The following APBA1 variants were observed in gnomAD, a reference collection of about 807,000 sequenced individuals.
The protein encoded by APBA1 is amyloid-beta A4 precursor protein-binding family A member 1.
A neutral mutation model predicts 86.6 loss-of-function variants in APBA1; 55 were observed. That is an observed-to-expected ratio of 0.64 (90% confidence interval 0.51 to 0.80). APBA1 has a LOEUF of 0.80. Among genes scored for constraint, APBA1 ranks in the 30% least tolerant of loss-of-function variants. The pLI, the probability that APBA1 is intolerant of heterozygous loss-of-function variation, is 0.00. For synonymous variants in APBA1, 511 were observed against 493.9 expected (o/e 1.03, Z -0.46); for missense variants, 1,090 against 1,183.0 (o/e 0.92, Z 1.15).
intron 11 of APBA1, among the ~76,000 whole-genome samples, chr9:69,434,811 ATACTT>A (rs971681857): frequency 4.6e-5 from 7 of 152,026 alleles, no homozygotes; most frequent in Non-Finnish European, 1.0e-4. Flanking sequence ...TATTATTAGT[ATACTT>A]TAAGTTTTAG....
At chr9:69,434,189 G>A (rs922948516) in intron 11 of APBA1, among the ~76,000 whole-genome samples, 1 of 152,176 alleles carries the variant, frequency 6.6e-6, no homozygotes, top group Non-Finnish European at 1.5e-5. Flanking sequence ...CTGCTCTGCG[G>A]GACTCTGTGC....
chr9:69,554,461 G>A (rs1836831868), intron 1 of APBA1, among the ~76,000 whole-genome samples: 1 of 152,110 alleles, frequency 6.6e-6, no homozygotes. Flanking sequence ...TTAGATATAG[G>A]TACAACTAAC....
chr9:69,531,004 T>C (rs1255573075), intron 1 of APBA1, among the ~76,000 whole-genome samples: 3 of 152,154 alleles, frequency 2.0e-5, no homozygotes, highest in Admixed American at 6.5e-5. Context: ...CACATTAAAA[T>C]TTTTTTAAAA....
intron 1 of APBA1, among the ~76,000 whole-genome samples, chr9:69,592,552 G>A (rs546956873): frequency 2.0e-5 from 3 of 152,272 alleles, no homozygotes; most frequent in Middle Eastern, 3.4e-3. Flanking sequence ...CTATGATCAC[G>A]CCACTACATT....
chr9:69,501,466 C>A (rs1430123034), intron 2 of APBA1, among the ~76,000 whole-genome samples: 1 of 151,926 alleles, frequency 6.6e-6, no homozygotes. Flanking sequence ...TCTCCCAGCA[C>A]CTTCCCTTCT....
intron 1 of APBA1, among the ~76,000 whole-genome samples, chr9:69,618,366 C>T (rs569605622): frequency 7.9e-5 from 12 of 152,198 alleles, no homozygotes; most frequent in Non-Finnish European, 1.3e-4. Context: ...AGTGTGTTTG[C>T]GCGATGCACA....
chr9:69,517,383 T>A, intron 1 of APBA1, 104 bp from the exon 2 acceptor site: 2 of 1,160,898 alleles, frequency 1.7e-6, no homozygotes, highest in Non-Finnish European at 2.2e-6. Context: ...TCCTTTTAGT[T>A]CTGGGTCAAT....
intron 1 of APBA1, among the ~76,000 whole-genome samples, chr9:69,658,247 T>TC (rs1357544021): frequency 4.7e-5 from 1 of 21,364 alleles, no homozygotes; most frequent in African/African-American, 6.7e-5. Flanking sequence ...TTTCTTTCTT[T>TC]CTTTCTTTCT....
At chr9:69,614,868 T>C (rs187157736) in intron 1 of APBA1, among the ~76,000 whole-genome samples, 8 of 152,358 alleles carry the variant, frequency 5.3e-5, no homozygotes, top group Non-Finnish European at 5.9e-5. Context: ...TTGTTAGTTC[T>C]TTAAATGTTT....
At chr9:69,484,554 A>G (rs1046466519) in intron 2 of APBA1, among the ~76,000 whole-genome samples, 4 of 152,146 alleles carry the variant, frequency 2.6e-5, no homozygotes, top group African/African-American at 4.8e-5. Flanking sequence ...GTTCACCCTC[A>G]TTCTTTCCTA....
intron 1 of APBA1, among the ~76,000 whole-genome samples, chr9:69,626,072 C>G (rs886755377): frequency 6.6e-6 from 1 of 152,106 alleles, no homozygotes; most frequent in South Asian, 2.1e-4. Context: ...CAGGTCATGT[C>G]AAATTTTTGT....
chr9:69,516,567 A>G lies in APBA1; in HGVS notation c.644T>C (p.Leu215Pro). The change falls in exon 2 of 13, where the codon CTC (leucine) becomes CCC (proline). Residue 215 changes from leucine (L) to proline (P), a missense_variant. Around this residue, in one of 6 missense-constraint regions of APBA1, gnomAD observed 678 missense variants for 647.1 expected, o/e 1.05. Coordinates refer to ENST00000265381, the MANE Select transcript of APBA1 (RefSeq NM_001163.4). This position sits in a 1 kb window ranked among gnomAD's most constrained non-coding sequence, Gnocchi z 7.3. ...PELDARDGLR[L>P]YEQERDEAAA... ...CGCCTCGTCGCGCTCCTGCTCGTAGAGCCGCAGGCCGTCGCGTGCGTCCAG... is the reference window on the plus strand; with the variant it reads ...CGCCTCGTCGCGCTCCTGCTCGTAGGGCCGCAGGCCGTCGCGTGCGTCCAG... 1.2e-6 allele frequency: 2 copies of G among 1,600,120 alleles called. No homozygotes were observed. The highest frequency in any genetic ancestry group is 1.7e-6 in the Non-Finnish European group (2 of 1,178,422).
chr9:69,557,488 C>G (rs1231602751), intron 1 of APBA1, among the ~76,000 whole-genome samples: 3 of 152,196 alleles, frequency 2.0e-5, no homozygotes, highest in Non-Finnish European at 4.4e-5. Context: ...TAGCTTCTTC[C>G]TCCTCCTCAC....
chr9:69,658,319 T>TC (rs1397743114), intron 1 of APBA1, among the ~76,000 whole-genome samples: 8 of 118,204 alleles, frequency 6.8e-5, no homozygotes, highest in Middle Eastern at 3.9e-3. Context: ...TCTTTCTTTC[T>TC]TTCTTTCTTT....
rs1297433992 is a variant in APBA1 at position 69,516,670 on chromosome 9, C to G, written c.541G>C (p.Glu181Gln). The change falls in exon 2 of 13, where the codon GAG becomes CAG. Residue 181 changes from glutamate (E) to glutamine (Q), a missense_variant. Transcript: ENST00000265381. This position sits in a 1 kb window ranked among gnomAD's most constrained non-coding sequence, Gnocchi z 7.3. ...THRLFHRGED[E>Q]PYSEPYADYG... ...TCGGCATAGGGCTCGGAGTAGGGCTCGTCCTCACCGCGGTGGAAGAGCCGG... is the reference window on the plus strand; with the variant it reads ...TCGGCATAGGGCTCGGAGTAGGGCTGGTCCTCACCGCGGTGGAAGAGCCGG... The G allele has an allele frequency of 6.2e-7, 1 of 1,609,582 alleles. No individual in the cohort carries two copies.
chr9:69,637,329 C>A (rs994406107), intron 1 of APBA1, among the ~76,000 whole-genome samples: 4 of 151,974 alleles, frequency 2.6e-5, no homozygotes, highest in African/African-American at 7.3e-5. Flanking sequence ...CTACAGTCAA[C>A]AATAATTTAT....
At chr9:69,618,712 A>T (rs1313838245) in intron 1 of APBA1, among the ~76,000 whole-genome samples, 1 of 152,254 alleles carries the variant, frequency 6.6e-6, no homozygotes, top group African/African-American at 2.4e-5. Flanking sequence ...CCAGCCTGAG[A>T]GTGAATTCAC....
rs539404436 is a variant in APBA1 at position 69,598,329 on chromosome 9, T to A, written c.-70+73824A>T. Among the ~76,000 whole-genome samples the A allele has an allele frequency of 6.6e-5, 10 of 152,152 alleles. No homozygotes were observed. In the South Asian group the frequency reaches 1.9e-3, roughly 28 times the overall value. Reference sequence around the variant, plus strand: ...GGATAGCATTGGGAGATATACCTAATGCTAGGTGACGAGTTAGTGGGTGCA... The same window carrying A: ...GGATAGCATTGGGAGATATACCTAAAGCTAGGTGACGAGTTAGTGGGTGCA... On this transcript the variant is annotated intron_variant, in intron 1 of 12. Coordinates refer to ENST00000265381, the MANE Select transcript of APBA1 (RefSeq NM_001163.4).
Position 69,430,535 on chromosome 9 carries a change from G to A in APBA1, c.*792C>T, listed in dbSNP as rs1030670936. 4 of 128,286 alleles carry A rather than the reference G, an allele frequency of 3.1e-5. No individual in the cohort carries two copies. The highest frequency in any genetic ancestry group is 1.4e-4 in the African/African-American group (4 of 28,290). 7.9% of individuals were successfully genotyped at this position (128,286 alleles called of 1,614,324 possible). A position where few individuals can be genotyped will look rare whatever the true frequency, so the allele number is the denominator to read the frequency against. ...GAGCAGGGAAGGGTGATATGCAAAT[G>A]GGACTGTGTGTGTGTGTGTGTGTGT... On this transcript the variant is annotated 3_prime_UTR_variant, in exon 13 of 13. Coordinates refer to ENST00000265381, the MANE Select transcript of APBA1 (RefSeq NM_001163.4).
Sources: gnomAD v4.1 joint callset for allele counts (sites outside exome capture counted in the v4.1 genomes callset) on GRCh38, gnomAD v4.1.1 for gene constraint, gnomAD v4.1.1 regional missense constraint, Gnocchi (gnomAD v3.1) non-coding constraint, MANE v1.5 for transcripts, NCBI Gene and HGNC (gene_info 2026-07-23, HGNC 2026-07-21) for gene names.